The following TRERF1 variants were observed in gnomAD, a reference collection of about 807,000 sequenced individuals.
TRERF1 encodes transcriptional regulating factor 1, also known as transcriptional-regulating factor 1.
In TRERF1, 27 loss-of-function variants were observed where a neutral mutation model predicts 122.9. The observed-to-expected ratio is 0.22, with a 90% CI of 0.16 to 0.30. The LOEUF (loss-of-function observed/expected upper bound fraction) is 0.30. TRERF1 is among the 10% of genes least tolerant of loss of function. The pLI, the probability that TRERF1 is intolerant of heterozygous loss-of-function variation, is 1.00. For missense variants in TRERF1, 1,248 were observed against 1,560.3 expected (o/e 0.80, Z 3.37); for synonymous variants, 636 against 641.7 (o/e 0.99, Z 0.13).
chr6:42,236,356 T>A lies in TRERF1; in HGVS notation c.2915A>T (p.Asp972Val), dbSNP rs892170008. ...CTCTTCTTCTTTTGTGGATTTCCTATCTTCTTCCGGGTCCTCCTCCTCCTC... is the reference window on the plus strand; with the variant it reads ...CTCTTCTTCTTTTGTGGATTTCCTAACTTCTTCCGGGTCCTCCTCCTCCTC... The change falls in exon 16 of 18, where the codon GAT (aspartate) becomes GTT (valine). Residue 972 changes from aspartate to valine, a missense_variant. By Grantham distance (152) the Asp-to-Val change is radical. Coordinates refer to ENST00000372922, the Ensembl canonical transcript of TRERF1. The A allele has an allele frequency of 4.8e-5, 75 of 1,575,402 alleles. No homozygotes were observed. The highest frequency in any genetic ancestry group is 6.5e-5 in the Non-Finnish European group (75 of 1,160,230).
chr6:42,240,022 C>A (rs867253595), intron 15 of TRERF1, among the ~76,000 whole-genome samples: 2 of 152,176 alleles, frequency 1.3e-5, no homozygotes, highest in Middle Eastern at 3.4e-3. Flanking sequence ...CTTACCCTCT[C>A]CTCCTTAATC....
chr6:42,312,761 C>T (rs1225217115), intron 3 of TRERF1, among the ~76,000 whole-genome samples: 1 of 152,200 alleles, frequency 6.6e-6, no homozygotes, highest in Admixed American at 6.5e-5. Context: ...CACACACATG[C>T]ACTGGGTCTT....
At chr6:42,450,229 G>T (rs1380442225) in intron 2 of TRERF1, among the ~76,000 whole-genome samples, 1 of 152,242 alleles carries the variant, frequency 6.6e-6, no homozygotes, top group Non-Finnish European at 1.5e-5. Flanking sequence ...AAGGGTCAGT[G>T]ATGCAGAAGG....
intron 2 of TRERF1, among the ~76,000 whole-genome samples, chr6:42,369,214 C>T (rs1170211645): frequency 1.3e-5 from 2 of 152,124 alleles, no homozygotes; most frequent in East Asian, 3.8e-4. Flanking sequence ...CTTTGGGAGG[C>T]CAAGGCGGGT....
intron 2 of TRERF1, among the ~76,000 whole-genome samples, chr6:42,437,637 T>C (rs1785698463): frequency 6.6e-6 from 1 of 152,188 alleles, no homozygotes; most frequent in African/African-American, 2.4e-5. Context: ...CAAGTCATGC[T>C]GTCTGGTAAG....
chr6:42,374,150 A>AGAAGAAGAAGAAGAAGAAG (rs1554193490), intron 2 of TRERF1, among the ~76,000 whole-genome samples: 10 of 144,034 alleles, frequency 6.9e-5, no homozygotes, highest in African/African-American at 2.6e-4. Context: ...AAAAAAAAAA[A>AGAAGAAGAAGAAGAAGAAG]AAGAAGAAGA....
intron 3 of TRERF1, among the ~76,000 whole-genome samples, chr6:42,353,772 C>A (rs1181582384): frequency 6.6e-6 from 1 of 152,052 alleles, no homozygotes; most frequent in East Asian, 1.9e-4. Context: ...GGTAAAAAAG[C>A]AGGCTATAAA....
At chr6:42,389,292 G>A (rs1416042278) in intron 2 of TRERF1, among the ~76,000 whole-genome samples, 1 of 152,204 alleles carries the variant, frequency 6.6e-6, no homozygotes, top group African/African-American at 2.4e-5. Flanking sequence ...TCCGGGTCAG[G>A]ATGTGCCCTG....
At chr6:42,231,252 G>T (rs1265918583) in intron 17 of TRERF1, among the ~76,000 whole-genome samples, 1 of 152,172 alleles carries the variant, frequency 6.6e-6, no homozygotes, top group Non-Finnish European at 1.5e-5. Flanking sequence ...TTAGCAAGAA[G>T]GCCCTTGCCA....
intron 4 of TRERF1, among the ~76,000 whole-genome samples, chr6:42,284,283 C>A (rs1002667237): frequency 1.2e-4 from 17 of 136,640 alleles, no homozygotes; most frequent in African/African-American, 3.6e-4. Context: ...CCAGGCTGGT[C>A]TTGAACTCCT....
intron 2 of TRERF1, among the ~76,000 whole-genome samples, chr6:42,418,169 T>C (rs1782122057): frequency 6.6e-6 from 1 of 151,644 alleles, no homozygotes; most frequent in Admixed American, 6.6e-5. Context: ...GGTTGGTTCG[T>C]TGGTTCATTC....
At chr6:42,306,154 A>G (rs985742210) in intron 3 of TRERF1, among the ~76,000 whole-genome samples, 3 of 151,840 alleles carry the variant, frequency 2.0e-5, no homozygotes, top group Non-Finnish European at 4.4e-5. Flanking sequence ...GGCATGCGCC[A>G]CCATGCCCAG....
Position 42,357,181 on chromosome 6 carries a change from T to G in TRERF1, c.-371+5816A>C, listed in dbSNP as rs141249501. 9.3e-3 allele frequency among the ~76,000 whole-genome samples: 1,412 copies of G among 151,492 alleles called. 26 individuals carry two copies. Among genetic ancestry groups the G allele is most frequent in the African/African-American group, 0.032 (1,307 of 41,300 alleles). On this transcript the variant is annotated intron_variant, in intron 3 of 17. Transcript: ENST00000372922. ...CTGTTTCCACTAAAAATACAAAAAT[T>G]AGCCAGGCATGGTGGTGCGTGCCTG...
At chr6:42,340,494 T>C (rs1767056651) in intron 3 of TRERF1, among the ~76,000 whole-genome samples, 2 of 152,166 alleles carry the variant, frequency 1.3e-5, no homozygotes, top group Admixed American at 6.5e-5. Flanking sequence ...AGTAGCATTT[T>C]CCCCCCGTAT....
At chr6:42,390,844 A>G (rs1184777411) in intron 2 of TRERF1, among the ~76,000 whole-genome samples, 6 of 152,186 alleles carry the variant, frequency 3.9e-5, no homozygotes, top group Non-Finnish European at 8.8e-5. Flanking sequence ...GGCAAGGGGA[A>G]AAAACACTTG....
At chr6:42,414,479 AC>A (rs1184391246) in intron 2 of TRERF1, among the ~76,000 whole-genome samples, 2 of 152,232 alleles carry the variant, frequency 1.3e-5, no homozygotes, top group Non-Finnish European at 2.9e-5. Flanking sequence ...GTCACCCTGT[AC>A]TATTACTCTG....
Position 42,409,281 on chromosome 6 carries a change from A to G in TRERF1, c.-454+41896T>C, listed in dbSNP as rs544983168. 8.5e-5 allele frequency among the ~76,000 whole-genome samples: 13 copies of G among 152,224 alleles called. No individual in the cohort carries two copies. The South Asian group carries it at 2.7e-3, about 32-fold the overall frequency. On this transcript the variant is annotated intron_variant, in intron 2 of 17. Transcript: ENST00000372922. ...GTGCAGTGAGACCCAGTCTCAAAATAAATAAATAAATAAATGTCTTCCATT... is the reference window on the plus strand; with the variant it reads ...GTGCAGTGAGACCCAGTCTCAAAATGAATAAATAAATAAATGTCTTCCATT...
intron 2 of TRERF1, among the ~76,000 whole-genome samples, chr6:42,438,047 G>A (rs1446935885): frequency 1.3e-5 from 2 of 151,558 alleles, no homozygotes; most frequent in Non-Finnish European, 2.9e-5. Context: ...CCAGCCTCCC[G>A]AGCAGCTGGG....
At chr6:42,256,575 T>A (rs1776787201) in intron 12 of TRERF1, among the ~76,000 whole-genome samples, 153 bp downstream of exon 12, 1 of 149,838 alleles carries the variant, frequency 6.7e-6, no homozygotes, top group Admixed American at 6.6e-5. Flanking sequence ...CATCCTGACC[T>A]ACCCACCGAG....
Sources: gnomAD v4.1 joint callset for allele counts (sites outside exome capture counted in the v4.1 genomes callset) on GRCh38, gnomAD v4.1.1 for gene constraint, MANE v1.5 for transcripts, NCBI Gene and HGNC (gene_info 2026-07-23, HGNC 2026-07-21) for gene names.